HNRNPAB: variants seen among roughly 807,000 people sequenced by gnomAD.
HNRNPAB encodes the protein ABBP-1.
In HNRNPAB, 17 loss-of-function variants were observed where a neutral mutation model predicts 44.1. The observed-to-expected ratio is 0.39, with a 90% CI of 0.26 to 0.58. The LOEUF is 0.58. Ranked by LOEUF, HNRNPAB falls within the 20% of genes least tolerant of loss-of-function variation. The pLI is 0.63. For missense variants in HNRNPAB, 393 were observed against 432.7 expected, an observed-to-expected ratio of 0.91 and a Z score of 0.81; for synonymous variants, 183 against 167.6, an observed-to-expected ratio of 1.09 and a Z score of -0.71.
intron 7 of HNRNPAB, 106 bp from the exon 8 acceptor site, chr5:178,210,445 AGT>A (rs1757879299): frequency 2.0e-6 from 3 of 1,503,228 alleles, no homozygotes; most frequent in Admixed American, 3.6e-5. Context: ...TGAGGAAGGC[AGT>A]CTCTGCTGTC....
Position 178,210,690 on chromosome 5 carries a change from T to G in HNRNPAB, c.*67T>G. 7.9e-7 allele frequency: 1 copy of G among 1,273,368 alleles called. No individual in the cohort carries two copies. Among genetic ancestry groups the G allele is most frequent in the Non-Finnish European group, 1.1e-6 (1 of 872,862 alleles). The allele number at this position is 1,273,368 out of a possible 1,614,324, so 78.9% of individuals were successfully genotyped here. A position where few individuals can be genotyped will look rare whatever the true frequency, so the allele number is the denominator to read the frequency against. ...TTTGGATATGGAGTGAACACAATTA[T>G]GTACCAAATTTAACTTGGCAAACTT... On this transcript the variant is annotated 3_prime_UTR_variant, in exon 8 of 8. Transcript: ENST00000358344.
At chr5:178,205,762 A>G in intron 2 of HNRNPAB, 80 bp from the exon 3 acceptor site, 2 of 1,398,408 alleles carry the variant, frequency 1.4e-6, no homozygotes, top group Non-Finnish European at 2.0e-6. Context: ...CTTCGTGAGA[A>G]CTTTGCCAGG....
rs376937285 is a variant in HNRNPAB at position 178,210,545 on chromosome 5, G to A, written c.929-8G>A. The A allele has an allele frequency of 6.4e-5, 103 of 1,613,538 alleles. No individual in the cohort carries two copies. The highest frequency in any genetic ancestry group is 8.9e-5 in the East Asian group (4 of 44,882). On this transcript the variant is annotated splice_polypyrimidine_tract_variant and splice_region_variant and intron_variant, in intron 7 of 7. Transcript: ENST00000358344. ...AATAGTAGCTGCTATGGTTGTTCTC[G>A]TCCCTAGGTCAGGGTAGTACAAACT...
At chr5:178,208,655 AATTT>A (rs1205689109) in intron 5 of HNRNPAB, 1 of 152,200 alleles carries the variant, frequency 6.6e-6, no homozygotes, top group East Asian at 1.9e-4. Context: ...GGTCTGGTCT[AATTT>A]ATTTAAGCAG....
chr5:178,207,061 T>A, intron 4 of HNRNPAB, 33 bp from the exon 5 acceptor site: 1 of 1,612,610 alleles, frequency 6.2e-7, no homozygotes, highest in Non-Finnish European at 8.5e-7. Context: ...GGTAGGGAGG[T>A]ATTGGGCCTG....
Position 178,210,790 on chromosome 5 carries a change from A to C in HNRNPAB, c.*167A>C. 1.5e-6 allele frequency: 1 copy of C among 648,928 alleles called. No individual in the cohort carries two copies. Among genetic ancestry groups the C allele is most frequent in the Non-Finnish European group, 2.8e-6 (1 of 359,898 alleles). The allele number at this position is 648,928 out of a possible 1,614,324, so 40.2% of individuals were successfully genotyped here. A position where few individuals can be genotyped will look rare whatever the true frequency, so the allele number is the denominator to read the frequency against. ...TCACTCTCCTGTTGACTATTTCCAG[A>C]GCTCTAGGTGTTTAGGCAGCGTGTG... On this transcript the variant is annotated 3_prime_UTR_variant, in exon 8 of 8. Coordinates refer to ENST00000358344, the MANE Select transcript of HNRNPAB (RefSeq NM_031266.3).
At chr5:178,209,228 G>A (rs1215457402) in intron 5 of HNRNPAB, 102 bp from the exon 6 acceptor site, 4 of 938,724 alleles carry the variant, frequency 4.3e-6, no homozygotes, top group Non-Finnish European at 6.9e-6. Context: ...CTCAGCAAAT[G>A]GACCTGATCC....
At chr5:178,207,607 T>C (rs1315433056) in intron 5 of HNRNPAB, among the ~76,000 whole-genome samples, 3 of 151,678 alleles carry the variant, frequency 2.0e-5, no homozygotes, top group Non-Finnish European at 2.9e-5. Context: ...CTGATTCTCC[T>C]CTGTGGTGAA....
chr5:178,204,825 G>A lies in HNRNPAB; in HGVS notation c.-13G>A. 1.6e-6 allele frequency: 2 copies of A among 1,216,442 alleles called. No homozygotes were observed. The highest frequency in any genetic ancestry group is 2.0e-6 in the Non-Finnish European group (2 of 978,266). 75.4% of individuals were successfully genotyped at this position (1,216,442 alleles called of 1,614,324 possible). A position where few individuals can be genotyped will look rare whatever the true frequency, so the allele number is the denominator to read the frequency against. ...CGCCGCTGGTTGCAGGAGCCGCCGCGCCTCGGCCTAGCATGTCGGAAGCGG... is the reference window on the plus strand; with the variant it reads ...CGCCGCTGGTTGCAGGAGCCGCCGCACCTCGGCCTAGCATGTCGGAAGCGG... On this transcript the variant is annotated 5_prime_UTR_variant, in exon 2 of 8. Transcript: ENST00000358344.
rs770177470 is a variant in HNRNPAB, at chr5:178,205,926, C to T, written c.294C>T (p.Asp98=). The change falls in exon 3 of 8, where the codon GAC becomes GAT. Residue 98 remains aspartate (D), a synonymous_variant. Transcript: ENST00000358344. The part of the protein sequence containing the change: ...DYFTKFGEVV[D]CTIKMDPNTG... Reference sequence around the variant, plus strand: ...TTACTAAATTTGGAGAGGTCGTTGACTGTACAATAAAAATGGATCCCAACA... The same window carrying T: ...TTACTAAATTTGGAGAGGTCGTTGATTGTACAATAAAAATGGATCCCAACA... 6.2e-6 allele frequency: 10 copies of T among 1,614,018 alleles called. No homozygotes were observed. Among genetic ancestry groups the T allele is most frequent in the Non-Finnish European group, 7.6e-6 (9 of 1,179,902 alleles).
intron 5 of HNRNPAB, among the ~76,000 whole-genome samples, chr5:178,208,080 A>G (rs984635948): frequency 1.4e-4 from 22 of 152,260 alleles, no homozygotes; most frequent in Non-Finnish European, 2.6e-4. Context: ...GTGCTTTCAA[A>G]TGAGTGGATT....
At chr5:178,206,972 A>G in intron 4 of HNRNPAB, 82 bp downstream of exon 4, 1 of 1,591,486 alleles carries the variant, frequency 6.3e-7, no homozygotes, top group Non-Finnish European at 8.6e-7. Context: ...GGCTGGCTAG[A>G]CCCTCCCAGG....
rs1757814592 is a variant in HNRNPAB, at chr5:178,210,273, G to A, written c.928+1G>A. 1 of 1,614,146 alleles carries A rather than the reference G, an allele frequency of 6.2e-7. No homozygotes were observed. The highest frequency in any genetic ancestry group is 8.5e-7 in the Non-Finnish European group (1 of 1,180,004). ...GGCTACGGCCCCGGCTACGACTACAGTAAGTAGGAGAGAGGGAGGCCCCAT... is the reference window on the plus strand; with the variant it reads ...GGCTACGGCCCCGGCTACGACTACAATAAGTAGGAGAGAGGGAGGCCCCAT... On this transcript the variant is annotated splice_donor_variant, in intron 7 of 7. Transcript: ENST00000358344. LOFTEE classifies it high-confidence loss of function.
rs1473660031 is a variant in HNRNPAB, at chr5:178,211,132, A to G, written c.*509A>G. 6.4e-6 allele frequency: 1 copy of G among 157,046 alleles called. No individual in the cohort carries two copies. The highest frequency in any genetic ancestry group is 2.4e-5 in the African/African-American group (1 of 41,438). 9.7% of individuals were successfully genotyped at this position (157,046 alleles called of 1,614,324 possible). On this transcript the variant is annotated 3_prime_UTR_variant, in exon 8 of 8. Transcript: ENST00000358344. ...CACAACCTGGATATTGAAGCTATCCAAGCTTTTGAAATAAAATTTAAAAAC... is the reference window on the plus strand; with the variant it reads ...CACAACCTGGATATTGAAGCTATCCGAGCTTTTGAAATAAAATTTAAAAAC...
intron 5 of HNRNPAB, 59 bp downstream of exon 5, chr5:178,207,284 G>C: frequency 6.2e-7 from 1 of 1,600,984 alleles, no homozygotes; most frequent in Non-Finnish European, 8.5e-7. Context: ...GCCCTTAGAG[G>C]GATGGGTTAG....
In HNRNPAB at chr5:178,210,712, A is replaced by C. The variant is rs1033203458; in HGVS notation, c.*89A>C. The C allele has an allele frequency of 2.0e-6, 2 of 987,376 alleles. No homozygotes were observed. The highest frequency in any genetic ancestry group is 1.8e-5 in the Admixed American group (1 of 55,274). The allele number at this position is 987,376 out of a possible 1,614,324, so 61.2% of individuals were successfully genotyped here. A position where few individuals can be genotyped will look rare whatever the true frequency, so the allele number is the denominator to read the frequency against. The stretch of plus-strand genomic sequence containing the variant: ...TTATGTACCAAATTTAACTTGGCAA[A>C]CTTTCTATTGCCTGTCCCATGTGCA... On this transcript the variant is annotated 3_prime_UTR_variant, in exon 8 of 8. Coordinates refer to ENST00000358344, the MANE Select transcript of HNRNPAB (RefSeq NM_031266.3).
In HNRNPAB at chr5:178,210,514, C is replaced by T. The variant is rs779005724; in HGVS notation, c.929-39C>T. 5.0e-6 allele frequency: 8 copies of T among 1,598,044 alleles called. No homozygotes were observed. The South Asian group carries it at 8.8e-5, about 18-fold the overall frequency. On this transcript the variant is annotated intron_variant, in intron 7 of 7. Transcript: ENST00000358344. ...TCAAGCGCGTGGCACAGGGCAAATG[C>T]TTGTAAATAGTAGCTGCTATGGTTG... is the stretch of plus-strand genomic sequence containing the variant.
In HNRNPAB at chr5:178,210,875, C is replaced by T. The variant is rs576448036; in HGVS notation, c.*252C>T. ...TTTTTATTACCAGGTCCCCCAGAAG[C>T]AGGTGGGAGGCTCTGCTTCCTGCTG... On this transcript the variant is annotated 3_prime_UTR_variant, in exon 8 of 8. Coordinates refer to ENST00000358344, the MANE Select transcript of HNRNPAB (RefSeq NM_031266.3). 3.7e-6 allele frequency: 2 copies of T among 547,770 alleles called. No homozygotes were observed. The highest frequency in any genetic ancestry group is 3.3e-5 in the Admixed American group (1 of 30,494). 33.9% of individuals were successfully genotyped at this position (547,770 alleles called of 1,614,324 possible).
At position 178,210,752 on chromosome 5, in the gene HNRNPAB, TC is replaced by T. The variant is rs1758034336; in HGVS notation, c.*134del. 8 of 733,212 alleles carry T rather than the reference TC, an allele frequency of 1.1e-5. No individual in the cohort carries two copies. The highest frequency in any genetic ancestry group is 1.9e-5 in the Non-Finnish European group (8 of 418,988). 45.4% of individuals were successfully genotyped at this position (733,212 alleles called of 1,614,324 possible). ...TCCCATGTGCATCTTATTTAAAATT[TC>T]CCCCATGGAAATCACTCTCCTGTTG... On this transcript the variant is annotated 3_prime_UTR_variant, in exon 8 of 8. Transcript: ENST00000358344.
Sources: allele counts gnomAD v4.1 joint callset (sites outside exome capture counted in the v4.1 genomes callset), GRCh38; gene constraint gnomAD v4.1.1; transcripts MANE v1.5; gene names NCBI Gene and HGNC (gene_info 2026-07-23, HGNC 2026-07-21).